SELENOF: variants seen among roughly 807,000 people sequenced by gnomAD.
SELENOF encodes selenoprotein F, also known as 15 kDa selenoprotein.
SELENOF carries 16 observed loss-of-function variants against 20.5 expected under a neutral mutation model. That is an observed-to-expected ratio of 0.78 (90% CI 0.53 to 1.19). The LOEUF (loss-of-function observed/expected upper bound fraction) is 1.19. Ranked by LOEUF, SELENOF falls within the 50% of genes most tolerant of loss-of-function variation. The probability of loss-of-function intolerance (pLI) is 0.00; values close to 1 mark genes in which losing one functional copy is unlikely to be tolerated. For synonymous variants in SELENOF, 78 were observed against 74.5 expected (o/e 1.05, Z -0.24); for missense variants, 215 against 194.2 (o/e 1.11, Z -0.64).
At chr1:86,911,784 ATTT>A (rs34486690) in intron 1 of SELENOF, among the ~76,000 whole-genome samples, 4 of 140,050 alleles carry the variant, frequency 2.9e-5, no homozygotes, top group African/African-American at 2.6e-5. Flanking sequence ...TAAAATGACT[ATTT>A]TTTTTTTTTT....
chr1:86,912,295 G>T (rs1660005100), intron 1 of SELENOF, among the ~76,000 whole-genome samples: 1 of 152,158 alleles, frequency 6.6e-6, no homozygotes, highest in Non-Finnish European at 1.5e-5. Context: ...TATATGTAAG[G>T]AAAGGAGTCA....
intron 2 of SELENOF, among the ~76,000 whole-genome samples, chr1:86,893,882 T>C (rs1659453110): frequency 6.6e-6 from 1 of 152,186 alleles, no homozygotes; most frequent in South Asian, 2.1e-4. Context: ...GTGGAGGGCA[T>C]CCAATTATAT....
Position 86,862,512 on chromosome 1 carries a change from CA to C in SELENOF, c.*961del. ...AAGAGATATTCCTTAAATAATATAC[CA>C]ATGAAAATGTGTTCATAAATGAAAA... On this transcript the variant is annotated 3_prime_UTR_variant, in exon 5 of 5. Coordinates refer to ENST00000331835, the MANE Select transcript of SELENOF (RefSeq NM_004261.5). The C allele has an allele frequency of 6.6e-6, 1 of 151,608 alleles. No individual in the cohort carries two copies. The highest frequency in any genetic ancestry group is 2.4e-5 in the African/African-American group (1 of 41,354). 9.4% of individuals were successfully genotyped at this position (151,608 alleles called of 1,614,324 possible).
chr1:86,877,635 T>C (rs1482552378), intron 3 of SELENOF, among the ~76,000 whole-genome samples: 1 of 152,252 alleles, frequency 6.6e-6, no homozygotes, highest in African/African-American at 2.4e-5. Context: ...TTAAGATTTT[T>C]GAATTATGAG....
At chr1:86,869,358 C>T (rs942023771) in intron 3 of SELENOF, among the ~76,000 whole-genome samples, 1 of 152,162 alleles carries the variant, frequency 6.6e-6, no homozygotes, top group Non-Finnish European at 1.5e-5. Context: ...ACCACATAAT[C>T]ATTGAAAAAT....
At chr1:86,895,373 A>G (rs1038611786) in intron 2 of SELENOF, among the ~76,000 whole-genome samples, 3 of 152,200 alleles carry the variant, frequency 2.0e-5, no homozygotes, top group Non-Finnish European at 4.4e-5. Context: ...TACTACTACT[A>G]CTATTACTGC....
chr1:86,907,921 G>C (rs1174040964), intron 1 of SELENOF, among the ~76,000 whole-genome samples: 1 of 150,918 alleles, frequency 6.6e-6, no homozygotes, highest in Non-Finnish European at 1.5e-5. Flanking sequence ...GGGAGGCGGA[G>C]ATTGCAGTAA....
intron 1 of SELENOF, among the ~76,000 whole-genome samples, chr1:86,912,054 C>G (rs928322529): frequency 1.2e-4 from 19 of 152,186 alleles, no homozygotes; most frequent in Admixed American, 1.0e-3. Flanking sequence ...AATGAGCCAC[C>G]ACAACTGGCC....
chr1:86,869,372 G>T (rs1658695205), intron 3 of SELENOF, among the ~76,000 whole-genome samples: 1 of 152,156 alleles, frequency 6.6e-6, no homozygotes, highest in Non-Finnish European at 1.5e-5. Context: ...GAAAAATTAT[G>T]ATCTATATTT....
intron 3 of SELENOF, among the ~76,000 whole-genome samples, chr1:86,871,742 A>C (rs1658774975): frequency 6.6e-6 from 1 of 152,244 alleles, no homozygotes; most frequent in Non-Finnish European, 1.5e-5. Context: ...GATGTTTTAC[A>C]AATTATAAGC....
At chr1:86,905,373 C>G (rs974628005) in intron 1 of SELENOF, among the ~76,000 whole-genome samples, 1 of 152,128 alleles carries the variant, frequency 6.6e-6, no homozygotes, top group Non-Finnish European at 1.5e-5. Flanking sequence ...ACAGTCTCCC[C>G]TATATTTAAG....
intron 2 of SELENOF, among the ~76,000 whole-genome samples, chr1:86,883,105 G>A (rs901573897): frequency 4.7e-5 from 7 of 147,446 alleles, no homozygotes; most frequent in Admixed American, 4.1e-4. Flanking sequence ...AAACCTGGGG[G>A]ACAAGAGCGA....
At chr1:86,908,151 G>C (rs1394749291) in intron 1 of SELENOF, among the ~76,000 whole-genome samples, 1 of 152,110 alleles carries the variant, frequency 6.6e-6, no homozygotes, top group Non-Finnish European at 1.5e-5. Flanking sequence ...ATCTGATCTA[G>C]CTATATATTT....
At chr1:86,905,431 A>C in intron 1 of SELENOF, among the ~76,000 whole-genome samples, 1 of 152,204 alleles carries the variant, frequency 6.6e-6, no homozygotes, top group Non-Finnish European at 1.5e-5. Context: ...TATTTTCAAG[A>C]ATCTAATCAG....
intron 3 of SELENOF, among the ~76,000 whole-genome samples, chr1:86,873,205 C>T (rs974657385): frequency 4.6e-5 from 7 of 151,294 alleles, no homozygotes; most frequent in African/African-American, 1.7e-4. Context: ...TGCAGTGAGC[C>T]GAGATCCCGC....
Position 86,867,906 on chromosome 1 carries a change from T to A in SELENOF, c.366+147A>T, listed in dbSNP as rs533598928. The A allele has an allele frequency of 3.3e-4, 130 of 393,164 alleles. 1 individual carries two copies. Among genetic ancestry groups the A allele is most frequent in the African/African-American group, 2.3e-3 (113 of 48,192 alleles). 24.4% of individuals were successfully genotyped at this position (393,164 alleles called of 1,614,324 possible). On this transcript the variant is annotated intron_variant, in intron 4 of 4. Transcript: ENST00000331835. ...AATAAAGTCTATTAATTTAAAAAAATTATTTTTCAGTGAAATTAAAAATTT... is the reference window on the plus strand; with the variant it reads ...AATAAAGTCTATTAATTTAAAAAAAATATTTTTCAGTGAAATTAAAAATTT...
intron 4 of SELENOF, among the ~76,000 whole-genome samples, chr1:86,866,249 T>C (rs1658592939): frequency 6.9e-6 from 1 of 145,930 alleles, no homozygotes; most frequent in Admixed American, 6.8e-5. Flanking sequence ...TGTGTGTGTG[T>C]GTGTGTGTGT....
chr1:86,897,849 C>G (rs1659566588), intron 2 of SELENOF, among the ~76,000 whole-genome samples: 2 of 152,200 alleles, frequency 1.3e-5, no homozygotes, highest in South Asian at 4.1e-4. Flanking sequence ...GCTCCTTCCT[C>G]CCAGGTTGCT....
chr1:86,898,651 G>C (rs1363365419), intron 2 of SELENOF, among the ~76,000 whole-genome samples: 1 of 147,876 alleles, frequency 6.8e-6, no homozygotes, highest in African/African-American at 2.5e-5. Context: ...GTGCGATCTC[G>C]GCTCACAGCA....
Sources: allele counts gnomAD v4.1 joint callset (sites outside exome capture counted in the v4.1 genomes callset), GRCh38; gene constraint gnomAD v4.1.1; transcripts MANE v1.5; gene names NCBI Gene and HGNC (gene_info 2026-07-23, HGNC 2026-07-21).